Variants in SORL1 observed in about 807,000 individuals in gnomAD.
The protein encoded by SORL1 is sortilin-related receptor.
SORL1 carries 127 observed loss-of-function variants against 273.7 expected under a neutral mutation model. The ratio of observed to expected loss-of-function variants is 0.46; its 90% CI spans 0.40 to 0.54. The LOEUF (loss-of-function observed/expected upper bound fraction) is 0.54, where lower values mean the gene tolerates loss of function less well. Ranked by LOEUF, SORL1 falls within the 20% of genes least tolerant of loss-of-function variation. The pLI, the probability that SORL1 is intolerant of heterozygous loss-of-function variation, is 0.00. For missense variants in SORL1, 2,494 were observed against 2,846.1 expected, an observed-to-expected ratio of 0.88 and a Z score of 2.81; for synonymous variants, 1,031 against 1,067.4, an observed-to-expected ratio of 0.97 and a Z score of 0.66.
chr11:121,626,838 G>C (rs896105525), intron 46 of SORL1: 1 of 152,232 alleles, frequency 6.6e-6, no homozygotes, highest in African/African-American at 2.4e-5. Flanking sequence ...GATGGGACGT[G>C]GGGCATGGCT....
In SORL1 at chr11:121,514,301, C is replaced by A. The variant is rs149353916; in HGVS notation, c.1191C>A (p.Ala397=). The change falls in exon 8 of 48, where the codon GCC becomes GCA. Residue 397 remains alanine (A), a synonymous_variant. Transcript: ENST00000260197. ...TGCTCTATTACAGCCCAGGAGGGGC[C>A]GGCAGTGACACCTTGGTGAGGTAAG... is the stretch of plus-strand genomic sequence containing the variant. The part of the protein sequence containing the change: ...ENVLYYSPGG[A]GSDTLVRYFA... 13 of 1,613,730 alleles carry A rather than the reference C, an allele frequency of 8.1e-6. No homozygotes were observed. In the African/African-American group the frequency reaches 1.3e-4, roughly 17 times the overall value.
intron 24 of SORL1, 99 bp from the exon 25 acceptor site, chr11:121,577,182 C>T: frequency 7.0e-7 from 1 of 1,418,542 alleles, no homozygotes; most frequent in Non-Finnish European, 9.7e-7. Flanking sequence ...CATTGGTGAT[C>T]ACGGGTCCAT....
intron 11 of SORL1, among the ~76,000 whole-genome samples, chr11:121,526,904 G>A (rs1202918975): frequency 3.3e-5 from 5 of 152,016 alleles, no homozygotes; most frequent in African/African-American, 7.2e-5. Flanking sequence ...TGATCTTAAT[G>A]TCTTTTATGT....
chr11:121,599,175 A>G (rs1265450830), intron 32 of SORL1, among the ~76,000 whole-genome samples: 2 of 152,234 alleles, frequency 1.3e-5, no homozygotes, highest in East Asian at 3.8e-4. Flanking sequence ...CCCAAGAACC[A>G]AAAAGATTAA....
At chr11:121,564,343 T>A (rs1248909388) in intron 21 of SORL1, among the ~76,000 whole-genome samples, 1 of 152,212 alleles carries the variant, frequency 6.6e-6, no homozygotes, top group Non-Finnish European at 1.5e-5. Context: ...GTTAGCTTGT[T>A]TTGCAGTTTG....
chr11:121,606,370 G>A (rs141049205), intron 35 of SORL1, among the ~76,000 whole-genome samples: 4 of 152,290 alleles, frequency 2.6e-5, no homozygotes, highest in South Asian at 2.1e-4. Flanking sequence ...ATATGCTAGC[G>A]CTAAACTCAT....
intron 13 of SORL1, 106 bp downstream of exon 13, chr11:121,543,832 A>G: frequency 9.5e-7 from 1 of 1,050,842 alleles, no homozygotes; most frequent in African/African-American, 1.6e-5. Flanking sequence ...CCTGACATTC[A>G]TTGGGGGAGA....
intron 1 of SORL1, among the ~76,000 whole-genome samples, chr11:121,456,087 T>G (rs1476835927): frequency 6.6e-6 from 1 of 152,114 alleles, no homozygotes; most frequent in African/African-American, 2.4e-5. Context: ...CCACACTGAA[T>G]TTCCTCCTGA....
chr11:121,590,842 G>T, intron 30 of SORL1, 159 bp from the exon 31 acceptor site: 1 of 809,962 alleles, frequency 1.2e-6, no homozygotes, highest in Non-Finnish European at 2.2e-6. Flanking sequence ...CATTATACAT[G>T]ATTTCTAGAT....
intron 2 of SORL1, among the ~76,000 whole-genome samples, chr11:121,477,062 G>A (rs1392413847): frequency 6.6e-6 from 1 of 151,984 alleles, no homozygotes; most frequent in Non-Finnish European, 1.5e-5. Flanking sequence ...AAAGTGTTGG[G>A]GTTACAGGCG....
At chr11:121,618,083 G>C (rs143046282) in intron 41 of SORL1, among the ~76,000 whole-genome samples, 3 of 152,268 alleles carry the variant, frequency 2.0e-5, no homozygotes, top group East Asian at 1.9e-4. Context: ...AGGAAGAAGG[G>C]CTCCTCCCTC....
chr11:121,516,460 T>TG (rs1175146916), intron 8 of SORL1, among the ~76,000 whole-genome samples: 1 of 151,978 alleles, frequency 6.6e-6, no homozygotes, highest in South Asian at 2.1e-4. Flanking sequence ...GGGGCAATAT[T>TG]GGGGGGAGAT....
At chr11:121,532,213 A>G (rs1862212438) in intron 11 of SORL1, among the ~76,000 whole-genome samples, 1 of 152,234 alleles carries the variant, frequency 6.6e-6, no homozygotes, top group African/African-American at 2.4e-5. Context: ...CCATTTTAAT[A>G]TTAAGCCCGT....
At position 121,461,941 on chromosome 11, in the gene SORL1, G is replaced by T. The variant is rs753208803; in HGVS notation, c.286-8066G>T. 4.7e-4 allele frequency among the ~76,000 whole-genome samples: 71 copies of T among 152,280 alleles called. 1 individual carries two copies. Among genetic ancestry groups the T allele is most frequent in the Non-Finnish European group, 7.5e-4 (51 of 68,030 alleles). ...GAAGTTTATGAAATGACATCCACAG[G>T]CTGCATCTCATTTGATTCTTACGAC... On this transcript the variant is annotated intron_variant, in intron 1 of 47. Coordinates refer to ENST00000260197, the MANE Select transcript of SORL1 (RefSeq NM_003105.6).
chr11:121,559,393 T>C, intron 20 of SORL1, 126 bp from the exon 21 acceptor site: 1 of 977,540 alleles, frequency 1.0e-6, no homozygotes, highest in Non-Finnish European at 1.5e-6. Context: ...AAGTAGAATC[T>C]TGATCAGGCT....
At chr11:121,478,960 G>A (rs548374578) in intron 3 of SORL1, among the ~76,000 whole-genome samples, 1 of 150,282 alleles carries the variant, frequency 6.7e-6, no homozygotes, top group East Asian at 2.0e-4. Context: ...ACCTGCGTGC[G>A]TGCGCATGCT....
intron 5 of SORL1, among the ~76,000 whole-genome samples, chr11:121,490,834 G>T (rs1247057365): frequency 6.6e-6 from 1 of 151,554 alleles, no homozygotes; most frequent in African/African-American, 2.4e-5. Flanking sequence ...AAGGGTATAA[G>T]AAATTGAATA....
chr11:121,571,974 G>A (rs1044958544), intron 23 of SORL1, among the ~76,000 whole-genome samples: 1 of 152,180 alleles, frequency 6.6e-6, no homozygotes, highest in African/African-American at 2.4e-5. Flanking sequence ...AAACATTAAT[G>A]CTTATTAACA....
chr11:121,547,417 C>CAAAAAAAAAAAAAAA lies in SORL1; in HGVS notation c.2051+2002_2051+2016dup, dbSNP rs67390938. Among the ~76,000 whole-genome samples, 10 of 24,034 alleles carry CAAAAAAAAAAAAAAA rather than the reference C, an allele frequency of 4.2e-4. 1 individual carries two copies. Among genetic ancestry groups the CAAAAAAAAAAAAAAA allele is most frequent in the East Asian group, 1.2e-3 (1 of 810 alleles). 15.8% of individuals were successfully genotyped at this position (24,034 alleles called of 152,430 possible). A position where few individuals can be genotyped will look rare whatever the true frequency, so the allele number is the denominator to read the frequency against. On this transcript the variant is annotated intron_variant, in intron 14 of 47. Transcript: ENST00000260197. The stretch of plus-strand genomic sequence containing the variant: ...TGCCCTACATTTCCCCAACCCTCAC[C>CAAAAAAAAAAAAAAA]AAAAAAAAAAAAAAAAAAAAAAAAA...
Sources: allele counts gnomAD v4.1 joint callset (sites outside exome capture counted in the v4.1 genomes callset), GRCh38; gene constraint gnomAD v4.1.1; transcripts MANE v1.5; gene names NCBI Gene and HGNC (gene_info 2026-07-23, HGNC 2026-07-21).